The following HS1BP3 variants were observed in gnomAD, a reference collection of about 807,000 sequenced individuals.
HS1BP3 encodes HCLS1-binding protein 3.
In HS1BP3, 32 loss-of-function variants were observed where a neutral mutation model predicts 33.5. The ratio of observed to expected loss-of-function variants is 0.95; its 90% CI spans 0.72 to 1.28. The LOEUF is 1.28. HS1BP3 is among the 50% of genes most tolerant of loss of function. The pLI, the probability that HS1BP3 is intolerant of heterozygous loss-of-function variation, is 0.00. For missense variants in HS1BP3, 486 were observed against 502.3 expected (o/e 0.97, Z 0.31); for synonymous variants, 187 against 209.2 (o/e 0.89, Z 0.92).
chr2:20,566,347 G>A (rs1693127407), intron 5 of HS1BP3, among the ~76,000 whole-genome samples: 1 of 152,250 alleles, frequency 6.6e-6, no homozygotes, highest in Non-Finnish European at 1.5e-5. Context: ...CCAGGGATCT[G>A]TAGTATGTGG....
intron 4 of HS1BP3, among the ~76,000 whole-genome samples, chr2:20,633,394 A>C (rs1695024981): frequency 6.6e-6 from 1 of 152,206 alleles, no homozygotes; most frequent in African/African-American, 2.4e-5. Flanking sequence ...ATTCTGGATG[A>C]TATTTCTCTT....
chr2:20,615,829 G>A (rs1192567043), downstream of HS1BP3, among the ~76,000 whole-genome samples: 1 of 152,236 alleles, frequency 6.6e-6, no homozygotes, highest in East Asian at 1.9e-4. Flanking sequence ...TTGTGTGAGA[G>A]CTTGAGACTC....
intron 3 of HS1BP3, among the ~76,000 whole-genome samples, chr2:20,639,293 A>G (rs1268575907): frequency 6.6e-6 from 1 of 152,242 alleles, no homozygotes; most frequent in Non-Finnish European, 1.5e-5. Flanking sequence ...ACAATGAGGT[A>G]AGTAGAGAAA....
rs1370277821 is a variant in HS1BP3 at position 20,630,860 on chromosome 2, G to A, written c.624-5968C>T. ...GTGTGCAGAGCCTGGCATAGTGAAA[G>A]TGCCCAATAGCTGGGCAGCAGGTGC... On this transcript the variant is annotated intron_variant, in intron 4 of 6. Transcript: ENST00000304031. Among the ~76,000 whole-genome samples the A allele has an allele frequency of 4.6e-5, 7 of 152,336 alleles. No homozygotes were observed. The South Asian group carries it at 1.0e-3, about 23-fold the overall frequency.
chr2:20,606,449 G>C (rs1572328087), intron 2 of HS1BP3: 1 of 480,020 alleles, frequency 2.1e-6, no homozygotes, highest in East Asian at 5.3e-5. Context: ...CATAGCTGGG[G>C]TTATAAGTTT....
intron 2 of HS1BP3, among the ~76,000 whole-genome samples, chr2:20,643,094 G>T (rs1695406876): frequency 6.6e-6 from 1 of 152,192 alleles, no homozygotes; most frequent in Admixed American, 6.5e-5. Context: ...CAGGCTTGGG[G>T]GTATGTAACT....
chr2:20,566,735 T>C (rs1354493165), intron 5 of HS1BP3, among the ~76,000 whole-genome samples: 3 of 151,848 alleles, frequency 2.0e-5, no homozygotes, highest in Non-Finnish European at 2.9e-5. Context: ...GCCTCCCGAC[T>C]AGCTGGGATT....
At chr2:20,585,944 C>T (rs1693670605) in intron 5 of HS1BP3, among the ~76,000 whole-genome samples, 1 of 152,202 alleles carries the variant, frequency 6.6e-6, no homozygotes, top group Admixed American at 6.5e-5. Flanking sequence ...GGAAAGGAGA[C>T]CCCTAGAAGT....
At chr2:20,613,052 G>T (rs13395836), downstream of HS1BP3, among the ~76,000 whole-genome samples, 1 of 152,118 alleles carries the variant, frequency 6.6e-6, no homozygotes, top group Non-Finnish European at 1.5e-5. Flanking sequence ...CTGGGGATGG[G>T]GGGGACTGAG....
chr2:20,568,053 C>T (rs934386631), intron 5 of HS1BP3, among the ~76,000 whole-genome samples: 2 of 152,184 alleles, frequency 1.3e-5, no homozygotes, highest in Non-Finnish European at 2.9e-5. Context: ...CCCCACCACC[C>T]CTGACCTGCT....
downstream of HS1BP3, among the ~76,000 whole-genome samples, chr2:20,559,693 T>A (rs949064102): frequency 7.1e-6 from 1 of 141,130 alleles, no homozygotes; most frequent in Non-Finnish European, 1.6e-5. Flanking sequence ...GATGGGTAGA[T>A]GGACGGGTGG....
At chr2:20,613,024 G>C (rs1214157792), downstream of HS1BP3, among the ~76,000 whole-genome samples, 1 of 152,140 alleles carries the variant, frequency 6.6e-6, no homozygotes, top group Non-Finnish European at 1.5e-5. Context: ...AACCAACCTA[G>C]GTGTAAAATG....
intron 1 of HS1BP3, among the ~76,000 whole-genome samples, chr2:20,648,999 C>T (rs531981690): frequency 1.3e-5 from 2 of 152,344 alleles, no homozygotes; most frequent in African/African-American, 4.8e-5. Context: ...TTCTCACCCT[C>T]ACGGCCGCCA....
At chr2:20,632,097 C>T (rs752919669) in intron 4 of HS1BP3, among the ~76,000 whole-genome samples, 5 of 152,356 alleles carry the variant, frequency 3.3e-5, no homozygotes, top group Non-Finnish European at 2.9e-5. Flanking sequence ...ACAAAGGATG[C>T]CCCACTTCTC....
chr2:20,577,349 G>T (rs1005744451), intron 5 of HS1BP3, among the ~76,000 whole-genome samples: 13 of 152,240 alleles, frequency 8.5e-5, no homozygotes, highest in African/African-American at 3.1e-4. Context: ...AGGCTAGTAG[G>T]CCTGGACTCC....
intron 1 of HS1BP3, among the ~76,000 whole-genome samples, chr2:20,648,027 G>T (rs1165568708): frequency 6.6e-6 from 1 of 152,212 alleles, no homozygotes; most frequent in African/African-American, 2.4e-5. Context: ...TCCTGGGACT[G>T]TAGACAAACT....
At chr2:20,555,769 C>G (rs1692826697), downstream of HS1BP3, among the ~76,000 whole-genome samples, 1 of 151,662 alleles carries the variant, frequency 6.6e-6, no homozygotes, top group African/African-American at 2.4e-5. Flanking sequence ...TATGAAACTT[C>G]TTTGGGCACC....
At chr2:20,559,843 G>T (rs987874749), downstream of HS1BP3, among the ~76,000 whole-genome samples, 2 of 152,204 alleles carry the variant, frequency 1.3e-5, no homozygotes, top group Non-Finnish European at 2.9e-5. Flanking sequence ...GCCTAGGGAG[G>T]CCTGCTCTGG....
chr2:20,592,226 G>A (rs141336875), downstream of HS1BP3, among the ~76,000 whole-genome samples: 116 of 152,278 alleles, frequency 7.6e-4, no homozygotes, highest in African/African-American at 2.7e-3. Context: ...TTGGGAGGCT[G>A]AGGCACTAGA....
Sources: gnomAD v4.1 joint callset for allele counts (sites outside exome capture counted in the v4.1 genomes callset) on GRCh38, gnomAD v4.1.1 for gene constraint, MANE v1.5 for transcripts, NCBI Gene and HGNC (gene_info 2026-07-23, HGNC 2026-07-21) for gene names.